The following ADAMTS19 variants were observed in gnomAD, a reference collection of about 807,000 sequenced individuals.
ADAMTS19 encodes the protein ADAM metallopeptidase with thrombospondin type 1 motif 19.
In ADAMTS19, 93 loss-of-function variants were observed where a neutral mutation model predicts 153.3. The ratio of observed to expected loss-of-function variants is 0.61; its 90% CI spans 0.51 to 0.72. The LOEUF is 0.72. Ranked by LOEUF, ADAMTS19 falls within the 30% of genes least tolerant of loss-of-function variation. ADAMTS19 has a pLI of 0.00. For synonymous variants in ADAMTS19, 600 were observed against 556.6 expected (o/e 1.08, Z -1.10); for missense variants, 1,482 against 1,552.1 (o/e 0.95, Z 0.76).
Position 129,647,837 on chromosome 5 carries a change from A to T in ADAMTS19, c.1945A>T (p.Ser649Cys). The change falls in exon 12 of 23, where the codon AGT (serine) becomes TGT (cysteine). Residue 649 changes from serine to cysteine, a missense_variant. Transcript: ENST00000274487. ...EHLAGEWSLWSPCSRTCSAGI... is the reference protein window; with the variant it reads ...EHLAGEWSLWCPCSRTCSAGI... ...TCTGGCCGGAGAGTGGAGCCTGTGG[A>T]GTCCTTGTAGCCGAACCTGCAGTGC... The T allele has an allele frequency of 1.2e-6, 2 of 1,614,098 alleles. No individual in the cohort carries two copies. The highest frequency in any genetic ancestry group is 1.7e-6 in the Non-Finnish European group (2 of 1,179,980).
At chr5:129,567,764 T>G (rs1753765880) in intron 7 of ADAMTS19, among the ~76,000 whole-genome samples, 6 of 151,372 alleles carry the variant, frequency 4.0e-5, no homozygotes, top group Admixed American at 3.9e-4. Context: ...AAAAAAAATA[T>G]GACTGAAGAC....
At chr5:129,477,369 C>G (rs1750259526) in intron 2 of ADAMTS19, among the ~76,000 whole-genome samples, 1 of 152,108 alleles carries the variant, frequency 6.6e-6, no homozygotes, top group Non-Finnish European at 1.5e-5. Flanking sequence ...GTAGTTCCTT[C>G]TTTTGTCAGG....
chr5:129,562,816 A>G (rs942884859), intron 7 of ADAMTS19, among the ~76,000 whole-genome samples: 17 of 152,110 alleles, frequency 1.1e-4, no homozygotes, highest in African/African-American at 3.9e-4. Flanking sequence ...CCAAGTTCCC[A>G]GCTCTATGAT....
chr5:129,545,208 T>A (rs190149977), intron 6 of ADAMTS19, among the ~76,000 whole-genome samples: 1 of 152,242 alleles, frequency 6.6e-6, no homozygotes, highest in East Asian at 1.9e-4. Context: ...GGAAAACAGT[T>A]GATTTGAAAA....
chr5:129,639,328 T>C (rs1019454123), intron 10 of ADAMTS19, among the ~76,000 whole-genome samples: 1 of 152,224 alleles, frequency 6.6e-6, no homozygotes, highest in Admixed American at 6.5e-5. Context: ...CTATCCATAC[T>C]ATTTCTTCAA....
At chr5:129,671,311 C>G (rs1754290730) in intron 16 of ADAMTS19, among the ~76,000 whole-genome samples, 1 of 152,026 alleles carries the variant, frequency 6.6e-6, no homozygotes, top group South Asian at 2.1e-4. Context: ...GATAAAAATT[C>G]AAGGATGACT....
chr5:129,713,805 C>A (rs1183101981), intron 21 of ADAMTS19, among the ~76,000 whole-genome samples: 2 of 139,140 alleles, frequency 1.4e-5, no homozygotes, highest in Non-Finnish European at 3.1e-5. Flanking sequence ...CAAACAGAGC[C>A]ATGGGCCCTG....
At chr5:129,705,806 A>G (rs543735773) in intron 21 of ADAMTS19, among the ~76,000 whole-genome samples, 112 of 152,332 alleles carry the variant, frequency 7.4e-4, no homozygotes, top group Middle Eastern at 3.4e-3. Context: ...CTTGGAAGTC[A>G]AGAGATACGG....
In ADAMTS19 at chr5:129,526,476, C is replaced by A. The variant is rs762566028; in HGVS notation, c.1086+20C>A. ...AATATGGTAGGCAAACTTTAAAGTG[C>A]GCTTGGAATTTTTTCAAGAAAACTC... On this transcript the variant is annotated intron_variant, in intron 4 of 22. Coordinates refer to ENST00000274487, the MANE Select transcript of ADAMTS19 (RefSeq NM_133638.6). 6.4e-6 allele frequency: 10 copies of A among 1,567,922 alleles called. No homozygotes were observed. The highest frequency in any genetic ancestry group is 2.4e-5 in the East Asian group (1 of 42,410).
chr5:129,532,108 TTAGA>T (rs1335212815), intron 6 of ADAMTS19, among the ~76,000 whole-genome samples: 2 of 152,122 alleles, frequency 1.3e-5, no homozygotes, highest in East Asian at 1.9e-4. Flanking sequence ...CAATGATTTC[TTAGA>T]TAGGGTAAAA....
At chr5:129,624,285 G>A (rs1751924659) in intron 10 of ADAMTS19, among the ~76,000 whole-genome samples, 1 of 152,074 alleles carries the variant, frequency 6.6e-6, no homozygotes, top group Non-Finnish European at 1.5e-5. Context: ...TATGACATTG[G>A]TTCTGTAAGG....
In ADAMTS19 at chr5:129,541,461, G is replaced by A. The variant is rs576185824; in HGVS notation, c.1329-10403G>A. 2.6e-5 allele frequency among the ~76,000 whole-genome samples: 4 copies of A among 151,984 alleles called. No homozygotes were observed. In the East Asian group the frequency reaches 7.7e-4, roughly 29 times the overall value. ...TATACTTAGTGATTCTTGACCCTAA[G>A]GTGAAGATTTGATTTTATGTGGTTC... is the stretch of plus-strand genomic sequence containing the variant. On this transcript the variant is annotated intron_variant, in intron 6 of 22. Coordinates refer to ENST00000274487, the MANE Select transcript of ADAMTS19 (RefSeq NM_133638.6).
intron 21 of ADAMTS19, among the ~76,000 whole-genome samples, chr5:129,712,320 A>G (rs565538949): frequency 6.6e-6 from 1 of 152,338 alleles, no homozygotes; most frequent in Non-Finnish European, 1.5e-5. Context: ...TGGACATTGA[A>G]AAAACCTATC....
chr5:129,526,390 C>A lies in ADAMTS19; in HGVS notation c.1020C>A (p.Asp340Glu). Reference protein sequence around the residue: ...EYNIETVVVADPAMVSYHGAD... With the variant: ...EYNIETVVVAEPAMVSYHGAD... Reference sequence around the variant, plus strand: ...ACATAGAGACTGTAGTGGTTGCAGACCCAGCAATGGTTTCCTATCATGGAG... The same window carrying A: ...ACATAGAGACTGTAGTGGTTGCAGAACCAGCAATGGTTTCCTATCATGGAG... Residue 340 changes from aspartate (D) to glutamate (E), a missense_variant, in exon 4 of 23, where the codon GAC becomes GAA. Coordinates refer to ENST00000274487, the MANE Select transcript of ADAMTS19 (RefSeq NM_133638.6). The A allele has an allele frequency of 4.4e-6, 7 of 1,604,374 alleles. No individual in the cohort carries two copies. The highest frequency in any genetic ancestry group is 6.0e-6 in the Non-Finnish European group (7 of 1,175,922).
intron 10 of ADAMTS19, among the ~76,000 whole-genome samples, chr5:129,633,850 T>C (rs1752416189): frequency 6.6e-6 from 1 of 152,158 alleles, no homozygotes; most frequent in African/African-American, 2.4e-5. Context: ...AGGGGAGACT[T>C]AAGCTCTTCT....
chr5:129,585,793 C>G (rs1226198114), intron 7 of ADAMTS19, among the ~76,000 whole-genome samples: 2 of 152,168 alleles, frequency 1.3e-5, no homozygotes, highest in East Asian at 3.9e-4. Context: ...TGTTATAAAA[C>G]TTTAAACATG....
chr5:129,675,401 T>C (rs895555565), intron 16 of ADAMTS19, among the ~76,000 whole-genome samples: 4 of 152,298 alleles, frequency 2.6e-5, no homozygotes, highest in Admixed American at 2.6e-4. Context: ...TACCAGGTAT[T>C]TCCCATGGGA....
At chr5:129,669,517 A>G (rs1754203904) in intron 16 of ADAMTS19, among the ~76,000 whole-genome samples, 1 of 152,026 alleles carries the variant, frequency 6.6e-6, no homozygotes, top group Admixed American at 6.6e-5. Flanking sequence ...TCCCTTAGTC[A>G]GTCTAGCTAG....
At chr5:129,630,850 C>T (rs1752254701) in intron 10 of ADAMTS19, among the ~76,000 whole-genome samples, 2 of 151,680 alleles carry the variant, frequency 1.3e-5, no homozygotes, top group Non-Finnish European at 2.9e-5. Context: ...GGGTTGTTGT[C>T]CAAAATATAT....
Sources: gnomAD v4.1 joint callset for allele counts (sites outside exome capture counted in the v4.1 genomes callset) on GRCh38, gnomAD v4.1.1 for gene constraint, MANE v1.5 for transcripts, NCBI Gene and HGNC (gene_info 2026-07-23, HGNC 2026-07-21) for gene names.